The following VAV2 variants were observed in gnomAD, a reference collection of about 807,000 sequenced individuals.
VAV2 encodes guanine nucleotide exchange factor VAV2.
Under a neutral mutation model 132.5 loss-of-function variants are expected in VAV2, and 67 were observed. That is an observed-to-expected ratio of 0.51 (90% CI 0.42 to 0.62). VAV2 has a LOEUF of 0.62. VAV2 is among the 20% of genes least tolerant of loss of function. The pLI is 0.00. For synonymous variants in VAV2, 492 were observed against 443.5 expected, an observed-to-expected ratio of 1.11 and a Z score of -1.37; for missense variants, 938 against 1,153.6, an observed-to-expected ratio of 0.81 and a Z score of 2.71.
chr9:133,787,318 C>T, intron 15 of VAV2, 58 bp from the exon 16 acceptor site: 1 of 1,514,192 alleles, frequency 6.6e-7, no homozygotes. Flanking sequence ...CTAAGCCCGG[C>T]CCTGTGGTGG....
intron 5 of VAV2, 43 bp from the exon 6 acceptor site, chr9:133,810,248 G>A (rs763195816): frequency 2.5e-6 from 4 of 1,612,262 alleles, no homozygotes; most frequent in African/African-American, 2.7e-5. Flanking sequence ...CCGGTTAGCA[G>A]GGCCCACACT....
In VAV2 at chr9:133,923,849, G is replaced by A. The variant is rs147800741; in HGVS notation, c.321+15254C>T. Among the ~76,000 whole-genome samples, 1,451 of 152,294 alleles carry A rather than the reference G, an allele frequency of 9.5e-3. 15 individuals carry two copies. Among genetic ancestry groups the A allele is most frequent in the African/African-American group, 0.032 (1,345 of 41,542 alleles). The stretch of plus-strand genomic sequence containing the variant: ...AGTTCATGTCCTTTGCAAGGACATG[G>A]ATGAAGCTGGAAACCATCATTCTCA... On this transcript the variant is annotated intron_variant, in intron 2 of 29. Coordinates refer to ENST00000371850, the MANE Select transcript of VAV2 (RefSeq NM_001134398.2).
intron 2 of VAV2, among the ~76,000 whole-genome samples, chr9:133,914,987 C>T (rs1414462712): frequency 6.6e-6 from 1 of 151,840 alleles, no homozygotes; most frequent in Non-Finnish European, 1.5e-5. Flanking sequence ...CAGGACAGCT[C>T]GCACGGGGGG....
Position 133,834,483 on chromosome 9 carries a change from T to A in VAV2, c.381-143A>T, listed in dbSNP as rs1332956919. 1.2e-6 allele frequency: 1 copy of A among 826,974 alleles called. No homozygotes were observed. Among genetic ancestry groups the A allele is most frequent in the Non-Finnish European group, 1.9e-6 (1 of 529,864 alleles). The allele number at this position is 826,974 out of a possible 1,614,324, so 51.2% of individuals were successfully genotyped here. ...GTCCACTCTCTGGAAGGACACAGGG[T>A]GCGCGGACACTGATCGGAGTCACAG... is the stretch of plus-strand genomic sequence containing the variant. On this transcript the variant is annotated intron_variant, in intron 3 of 29. Coordinates refer to ENST00000371850, the MANE Select transcript of VAV2 (RefSeq NM_001134398.2). This position sits in a 1 kb window ranked among gnomAD's most constrained non-coding sequence, Gnocchi z 5.9.
chr9:133,820,661 C>T (rs558582452), intron 4 of VAV2, among the ~76,000 whole-genome samples: 53 of 152,284 alleles, frequency 3.5e-4, no homozygotes, highest in African/African-American at 1.2e-3. Flanking sequence ...AGGTGACACA[C>T]GGCCAGTCTC....
At chr9:133,901,416 G>T (rs1839436898) in intron 2 of VAV2, among the ~76,000 whole-genome samples, 1 of 152,242 alleles carries the variant, frequency 6.6e-6, no homozygotes, top group Admixed American at 6.5e-5. Flanking sequence ...CCCATCAAGA[G>T]GCAGGGTCTG....
chr9:133,769,361 C>G lies in VAV2; in HGVS notation c.2434+56G>C. On this transcript the variant is annotated intron_variant, in intron 28 of 29. Coordinates refer to ENST00000371850, the MANE Select transcript of VAV2 (RefSeq NM_001134398.2). This position sits in a 1 kb window ranked among gnomAD's most constrained non-coding sequence, Gnocchi z 8.1. The stretch of plus-strand genomic sequence containing the variant: ...GCCAGTGGGCAGCTCCGTGCTGGGT[C>G]TCCCAAGGCAGCTGCCACAGGCCCG... The G allele has an allele frequency of 6.5e-7, 1 of 1,544,658 alleles. No homozygotes were observed. The highest frequency in any genetic ancestry group is 8.8e-7 in the Non-Finnish European group (1 of 1,140,076).
Position 133,768,299 on chromosome 9 carries a change from G to A in VAV2, c.2589+143C>T. On this transcript the variant is annotated intron_variant, in intron 29 of 29. Transcript: ENST00000371850. The surrounding 1 kb of genome is among the most constrained non-coding windows in gnomAD (Gnocchi z 5.3). ...CCTGTGAATGCCAACCTTCTGGGCT[G>A]CTGTGAGGATGAGGGAGATTGCAGA... 8.4e-7 allele frequency: 1 copy of A among 1,194,234 alleles called. No individual in the cohort carries two copies. Among genetic ancestry groups the A allele is most frequent in the Non-Finnish European group, 1.1e-6 (1 of 871,632 alleles). The allele number at this position is 1,194,234 out of a possible 1,614,324, so 74.0% of individuals were successfully genotyped here. A position where few individuals can be genotyped will look rare whatever the true frequency, so the allele number is the denominator to read the frequency against.
chr9:133,789,191 G>A, intron 14 of VAV2, 67 bp downstream of exon 14: 1 of 1,560,008 alleles, frequency 6.4e-7, no homozygotes, highest in Non-Finnish European at 8.8e-7. Context: ...CTTAGGAGTG[G>A]CTCCCTGGGA....
chr9:133,773,757 TAGA>T (rs1252175420), intron 25 of VAV2, among the ~76,000 whole-genome samples: 9 of 152,276 alleles, frequency 5.9e-5, no homozygotes, highest in Non-Finnish European at 1.0e-4. Flanking sequence ...TTTTGCTGAG[TAGA>T]AGGAGTATGC....
intron 1 of VAV2, among the ~76,000 whole-genome samples, chr9:133,944,539 C>G (rs1370289641): frequency 1.3e-5 from 2 of 152,222 alleles, no homozygotes; most frequent in African/African-American, 2.4e-5. Flanking sequence ...ACGTGCACAA[C>G]AGCCAACTCA....
chr9:133,864,626 C>T (rs1837728595), intron 2 of VAV2, among the ~76,000 whole-genome samples: 1 of 152,256 alleles, frequency 6.6e-6, no homozygotes, highest in African/African-American at 2.4e-5. Context: ...ACCCCCGCCA[C>T]CCCACAGGCT....
intron 2 of VAV2, among the ~76,000 whole-genome samples, chr9:133,895,034 G>A (rs879651282): frequency 6.6e-6 from 1 of 152,048 alleles, no homozygotes; most frequent in Non-Finnish European, 1.5e-5. Flanking sequence ...GGGGGCGTCC[G>A]GAGATGGTGT....
chr9:133,936,548 A>C (rs1032209723), intron 2 of VAV2, among the ~76,000 whole-genome samples: 7 of 151,804 alleles, frequency 4.6e-5, no homozygotes, highest in Admixed American at 3.3e-4. Context: ...CGACCCAGCC[A>C]TTGCATCTTT....
intron 9 of VAV2, among the ~76,000 whole-genome samples, chr9:133,800,291 A>T (rs1834880562): frequency 6.6e-6 from 1 of 152,176 alleles, no homozygotes; most frequent in East Asian, 1.9e-4. Flanking sequence ...AGTGCCCCTG[A>T]CCTGGCCTGA....
rs1432218124 is a variant in VAV2 at position 133,912,779 on chromosome 9, C to A, written c.321+26324G>T. On this transcript the variant is annotated intron_variant, in intron 2 of 29. Coordinates refer to ENST00000371850, the MANE Select transcript of VAV2 (RefSeq NM_001134398.2). This position sits in a 1 kb window ranked among gnomAD's most constrained non-coding sequence, Gnocchi z 4.3. ...ACTAAGCTAATAAGTACTTGTTCAGCCCCTCTAAAATCACAATCGTCCTGT... is the reference window on the plus strand; with the variant it reads ...ACTAAGCTAATAAGTACTTGTTCAGACCCTCTAAAATCACAATCGTCCTGT... Among the ~76,000 whole-genome samples the A allele has an allele frequency of 6.6e-6, 1 of 152,178 alleles. No individual in the cohort carries two copies. Among genetic ancestry groups the A allele is most frequent in the Non-Finnish European group, 1.5e-5 (1 of 68,036 alleles).
At chr9:133,839,932 G>A (rs1836650629) in intron 3 of VAV2, among the ~76,000 whole-genome samples, 1 of 152,208 alleles carries the variant, frequency 6.6e-6, no homozygotes, top group African/African-American at 2.4e-5. Flanking sequence ...CCCAGTGGGG[G>A]TGGGTTGGGT....
rs1838385643 is a variant in VAV2, at chr9:133,879,113, C to T, written c.322-17681G>A. On this transcript the variant is annotated intron_variant, in intron 2 of 29. Coordinates refer to ENST00000371850, the MANE Select transcript of VAV2 (RefSeq NM_001134398.2). This position sits in a 1 kb window ranked among gnomAD's most constrained non-coding sequence, Gnocchi z 4.4. The stretch of plus-strand genomic sequence containing the variant: ...CAGAGGGGACCGGGCCGGGCTTGTG[C>T]TGCTGAACCTGGCTCTGGACCCCGT... 6.6e-6 allele frequency among the ~76,000 whole-genome samples: 1 copy of T among 152,232 alleles called. No homozygotes were observed. The highest frequency in any genetic ancestry group is 2.1e-4 in the South Asian group (1 of 4,834).
At chr9:133,944,117 CGTCTCTTTAGG>C (rs1470753148) in intron 1 of VAV2, among the ~76,000 whole-genome samples, 1 of 152,186 alleles carries the variant, frequency 6.6e-6, no homozygotes, top group Admixed American at 6.5e-5. Flanking sequence ...AGGACAGTCA[CGTCTCTTTAGG>C]GTCTCTGAAA....
Sources: gnomAD v4.1 joint callset for allele counts (sites outside exome capture counted in the v4.1 genomes callset) on GRCh38, gnomAD v4.1.1 for gene constraint, Gnocchi (gnomAD v3.1) non-coding constraint, MANE v1.5 for transcripts, NCBI Gene and HGNC (gene_info 2026-07-23, HGNC 2026-07-21) for gene names.